RNF217: variants seen among roughly 807,000 people sequenced by gnomAD.
RNF217 encodes the protein ring finger protein 217.
Under a neutral mutation model 57.8 loss-of-function variants are expected in RNF217, and 31 were observed. The ratio of observed to expected loss-of-function variants is 0.54; its 90% CI spans 0.40 to 0.72. The LOEUF (loss-of-function observed/expected upper bound fraction) is 0.72. RNF217 is among the 30% of genes least tolerant of loss of function. RNF217 has a pLI of 0.00. For missense variants in RNF217, 696 were observed against 708.3 expected, an observed-to-expected ratio of 0.98 and a Z score of 0.20; for synonymous variants, 313 against 294.0, an observed-to-expected ratio of 1.06 and a Z score of -0.66.
At chr6:125,045,100 A>C in intron 1 of RNF217, 111 bp from the exon 2 acceptor site, 1 of 675,546 alleles carries the variant, frequency 1.5e-6, no homozygotes, top group Non-Finnish European at 2.5e-6. Context: ...TAAAAATTAC[A>C]CACAATCCTT....
At chr6:125,075,462 C>T (rs1299154310) in intron 3 of RNF217, among the ~76,000 whole-genome samples, 1 of 152,064 alleles carries the variant, frequency 6.6e-6, no homozygotes, top group African/African-American at 2.4e-5. Context: ...CACATCTTCA[C>T]AGGGCAGCAG....
intron 1 of RNF217, among the ~76,000 whole-genome samples, chr6:125,003,765 G>A (rs1008116358): frequency 6.6e-6 from 1 of 152,000 alleles, no homozygotes; most frequent in Non-Finnish European, 1.5e-5. Context: ...AACCCAATGT[G>A]ATTTTTTTAT....
chr6:124,969,072 G>A (rs2114984507), intron 1 of RNF217, among the ~76,000 whole-genome samples: 1 of 152,238 alleles, frequency 6.6e-6, no homozygotes, highest in Admixed American at 6.5e-5. Flanking sequence ...AGACAGCTAT[G>A]GATCTGCTTT....
intron 1 of RNF217, among the ~76,000 whole-genome samples, chr6:124,985,946 A>G (rs1784351355): frequency 6.6e-6 from 1 of 152,040 alleles, no homozygotes; most frequent in Non-Finnish European, 1.5e-5. Flanking sequence ...AAAGATCTGA[A>G]TGTTTGTTTC....
intron 2 of RNF217, among the ~76,000 whole-genome samples, chr6:125,054,754 A>C (rs932882260): frequency 6.6e-6 from 1 of 152,170 alleles, no homozygotes; most frequent in African/African-American, 2.4e-5. Context: ...TTTAGGATGC[A>C]TACAAATCAC....
rs867130463 is a variant in RNF217, at chr6:125,034,222, T to G, written c.883-10989T>G. On this transcript the variant is annotated intron_variant, in intron 1 of 5. Coordinates refer to ENST00000521654, the MANE Select transcript of RNF217 (RefSeq NM_001286398.3). ...TAATTGGAGCCCATTTGTCAATTTT[T>G]TCTTTTGTTGCCATTGCTTTTGGTG... Among the ~76,000 whole-genome samples, 15 of 152,290 alleles carry G rather than the reference T, an allele frequency of 9.8e-5. No homozygotes were observed. The South Asian group carries it at 1.5e-3, about 15-fold the overall frequency.
At chr6:125,070,012 C>T (rs980842045) in intron 3 of RNF217, among the ~76,000 whole-genome samples, 5 of 152,158 alleles carry the variant, frequency 3.3e-5, no homozygotes, top group African/African-American at 1.2e-4. Context: ...CCACTCTTAC[C>T]TCCTATTCCT....
At chr6:125,074,239 A>G (rs1424828604) in intron 3 of RNF217, among the ~76,000 whole-genome samples, 1 of 152,132 alleles carries the variant, frequency 6.6e-6, no homozygotes, top group East Asian at 1.9e-4. Flanking sequence ...TACTTCTTCA[A>G]AATGATCACA....
At chr6:125,041,546 A>C (rs1398865108) in intron 1 of RNF217, among the ~76,000 whole-genome samples, 1 of 151,966 alleles carries the variant, frequency 6.6e-6, no homozygotes, top group Non-Finnish European at 1.5e-5. Context: ...TATTTTTGTC[A>C]CTGAGTTGTG....
In RNF217 at chr6:124,962,822, C is replaced by A; in HGVS notation, c.278C>A (p.Thr93Asn). 6.3e-7 allele frequency: 1 copy of A among 1,597,856 alleles called. No homozygotes were observed. Among genetic ancestry groups the A allele is most frequent in the Admixed American group, 1.7e-5 (1 of 60,008 alleles). Residue 93 changes from threonine to asparagine, a missense_variant, in exon 1 of 6, where the codon ACC becomes AAC. Around this residue, in one of 2 missense-constraint regions of RNF217, gnomAD observed 465 missense variants for 386.8 expected, o/e 1.20. Transcript: ENST00000521654. The surrounding 1 kb of genome is among the most constrained non-coding windows in gnomAD (Gnocchi z 4.6). ...APAQPAGLAL[T>N]GPLNPQTLPL... ...GCGCAGCCTGCGGGACTGGCACTCACCGGGCCTCTCAATCCCCAGACCTTG... is the reference window on the plus strand; with the variant it reads ...GCGCAGCCTGCGGGACTGGCACTCAACGGGCCTCTCAATCCCCAGACCTTG...
chr6:125,008,370 A>G (rs1171018940), intron 1 of RNF217, among the ~76,000 whole-genome samples: 1 of 152,202 alleles, frequency 6.6e-6, no homozygotes, highest in East Asian at 1.9e-4. Flanking sequence ...AAGCAAAACC[A>G]TAGATGAAGT....
intron 1 of RNF217, among the ~76,000 whole-genome samples, chr6:125,030,455 A>G (rs1052362190): frequency 6.6e-6 from 1 of 152,216 alleles, no homozygotes; most frequent in African/African-American, 2.4e-5. Flanking sequence ...CAAGCTAGTT[A>G]CTTCCTAGAT....
chr6:125,075,273 A>G (rs984078095), intron 3 of RNF217, among the ~76,000 whole-genome samples: 1 of 152,112 alleles, frequency 6.6e-6, no homozygotes, highest in Non-Finnish European at 1.5e-5. Flanking sequence ...GAAGTAGTAG[A>G]CTATTTTTAG....
intron 1 of RNF217, among the ~76,000 whole-genome samples, chr6:125,013,351 A>ATGTG (rs61504994): frequency 0.012 from 1,710 of 141,264 alleles, 27 homozygotes; most frequent in East Asian, 0.074. Context: ...TGTTTTGTGT[A>ATGTG]TGTGTGTGTG....
chr6:124,996,451 A>G (rs918413314), intron 1 of RNF217: 2 of 152,018 alleles, frequency 1.3e-5, no homozygotes, highest in African/African-American at 4.8e-5. Context: ...ATCTTTTGTT[A>G]GTTAAATGTG....
chr6:125,025,078 A>G (rs1360254129), intron 1 of RNF217, among the ~76,000 whole-genome samples: 1 of 152,170 alleles, frequency 6.6e-6, no homozygotes, highest in Non-Finnish European at 1.5e-5. Context: ...AGTCAGGAAA[A>G]TCAGGAATGT....
At chr6:125,043,712 G>C (rs75761367) in intron 1 of RNF217, among the ~76,000 whole-genome samples, 1 of 151,948 alleles carries the variant, frequency 6.6e-6, no homozygotes, top group African/African-American at 2.4e-5. Flanking sequence ...AATTATAATA[G>C]CATCGTAACA....
chr6:125,005,270 G>A (rs7751033), intron 1 of RNF217, among the ~76,000 whole-genome samples: 12,092 of 152,140 alleles, frequency 0.079, 1,655 homozygotes, highest in African/African-American at 0.28. Context: ...CAAACTTGGC[G>A]TCTCAGGTCA....
Position 125,087,457 on chromosome 6 carries a change from G to T in RNF217, c.*4520G>T, listed in dbSNP as rs1390460899. The T allele has an allele frequency of 6.6e-6, 1 of 151,984 alleles. No homozygotes were observed. The highest frequency in any genetic ancestry group is 2.4e-5 in the African/African-American group (1 of 41,416). 9.4% of individuals were successfully genotyped at this position (151,984 alleles called of 1,614,324 possible). ...CCCATGGTCTGCTTTATTGTTTTGT[G>T]TTAATATCTATTATAAATATAGCCT... On this transcript the variant is annotated 3_prime_UTR_variant, in exon 6 of 6. Transcript: ENST00000521654.
Sources: allele counts gnomAD v4.1 joint callset (sites outside exome capture counted in the v4.1 genomes callset), GRCh38; gene constraint gnomAD v4.1.1; regional missense constraint gnomAD v4.1.1; non-coding constraint Gnocchi (gnomAD v3.1); transcripts MANE v1.5; gene names NCBI Gene and HGNC (gene_info 2026-07-23, HGNC 2026-07-21).